The following TMTC2 variants were observed in gnomAD, a reference collection of about 807,000 sequenced individuals.
The protein encoded by TMTC2 is protein O-mannosyl-transferase TMTC2.
TMTC2 carries 43 observed loss-of-function variants against 82.4 expected under a neutral mutation model. The observed-to-expected ratio is 0.52, with a 90% CI of 0.41 to 0.67. TMTC2 has a LOEUF of 0.67. Among genes scored for constraint, TMTC2 ranks in the 30% least tolerant of loss-of-function variants. The probability of loss-of-function intolerance (pLI) is 0.00; values close to 1 mark genes in which losing one functional copy is unlikely to be tolerated. For synonymous variants in TMTC2, 408 were observed against 381.9 expected (o/e 1.07, Z -0.80); for missense variants, 919 against 1,012.4 (o/e 0.91, Z 1.25).
intron 7 of TMTC2, among the ~76,000 whole-genome samples, chr12:82,974,236 T>C (rs1031934864): frequency 3.9e-5 from 6 of 152,096 alleles, no homozygotes; most frequent in African/African-American, 1.4e-4. Context: ...ACACAACTGT[T>C]TTCTGAGACT....
chr12:82,950,390 T>A (rs1270454992), intron 4 of TMTC2, among the ~76,000 whole-genome samples: 1 of 152,204 alleles, frequency 6.6e-6, no homozygotes, highest in Non-Finnish European at 1.5e-5. Context: ...AAATGTAGTC[T>A]TAGTTATATA....
chr12:82,990,844 C>T (rs1879367381), intron 8 of TMTC2, among the ~76,000 whole-genome samples: 1 of 152,028 alleles, frequency 6.6e-6, no homozygotes, highest in South Asian at 2.1e-4. Context: ...CTCATTAATC[C>T]CTTCATTTGG....
intron 1 of TMTC2, among the ~76,000 whole-genome samples, chr12:82,730,296 C>CA (rs368959079): frequency 0.038 from 3,021 of 78,954 alleles, 124 homozygotes; most frequent in Middle Eastern, 0.089. Context: ...CTCTGTCTCT[C>CA]AAAAAAAAAA....
chr12:83,020,499 T>C (rs1880868225), intron 8 of TMTC2, among the ~76,000 whole-genome samples: 1 of 152,230 alleles, frequency 6.6e-6, no homozygotes, highest in Non-Finnish European at 1.5e-5. Context: ...TACCTGTAAC[T>C]TTATTGTAAA....
intron 1 of TMTC2, among the ~76,000 whole-genome samples, chr12:82,808,096 A>G (rs1462257216): frequency 6.6e-6 from 1 of 151,950 alleles, no homozygotes; most frequent in Non-Finnish European, 1.5e-5. Flanking sequence ...TCTTAAAAAA[A>G]CTGTTTAAAA....
chr12:82,979,121 T>C (rs1024739621), intron 7 of TMTC2, among the ~76,000 whole-genome samples: 16 of 151,790 alleles, frequency 1.1e-4, no homozygotes, highest in East Asian at 7.7e-4. Flanking sequence ...GTTAGGTCTT[T>C]TTTTTCTTTT....
chr12:83,118,897 T>C lies in TMTC2; in HGVS notation c.2332-13313T>C, dbSNP rs918259687. Among the ~76,000 whole-genome samples the C allele has an allele frequency of 5.3e-5, 8 of 152,304 alleles. No individual in the cohort carries two copies. In the South Asian group the frequency reaches 1.7e-3, roughly 32 times the overall value. The stretch of plus-strand genomic sequence containing the variant: ...ATTTAAGCTAGGAGAGCTGTATCTT[T>C]CCAGGAATTTATCCATCTCTTCTAG... On this transcript the variant is annotated intron_variant, in intron 11 of 11. Transcript: ENST00000321196.
At chr12:82,760,018 C>T (rs1318285392) in intron 1 of TMTC2, 1 of 152,120 alleles carries the variant, frequency 6.6e-6, no homozygotes, top group Non-Finnish European at 1.5e-5. Flanking sequence ...ATGGGTGGTG[C>T]TGCTGGATTA....
chr12:82,927,541 G>T (rs1180572105), intron 3 of TMTC2, among the ~76,000 whole-genome samples: 2 of 152,214 alleles, frequency 1.3e-5, no homozygotes, highest in Non-Finnish European at 2.9e-5. Flanking sequence ...TAAAGCAGTT[G>T]CAGGGTTTGA....
intron 1 of TMTC2, among the ~76,000 whole-genome samples, chr12:82,799,344 A>G (rs1442473257): frequency 6.6e-6 from 1 of 152,112 alleles, no homozygotes; most frequent in Non-Finnish European, 1.5e-5. Flanking sequence ...TCCAGAAGTA[A>G]GAAGTGAGCT....
intron 11 of TMTC2, among the ~76,000 whole-genome samples, chr12:83,108,676 C>T (rs1884499593): frequency 6.6e-6 from 1 of 151,102 alleles, no homozygotes; most frequent in South Asian, 2.1e-4. Context: ...ACCACTGGAG[C>T]AATGCAATAA....
chr12:83,089,840 CAAAAAACA>C (rs1387139410), intron 11 of TMTC2, among the ~76,000 whole-genome samples: 2 of 141,192 alleles, frequency 1.4e-5, no homozygotes, highest in African/African-American at 5.4e-5. Context: ...AAACAAAAAA[CAAAAAACA>C]AAAAAAAAAA....
At chr12:82,736,850 C>T (rs1379714357) in intron 1 of TMTC2, among the ~76,000 whole-genome samples, 1 of 152,168 alleles carries the variant, frequency 6.6e-6, no homozygotes, top group Non-Finnish European at 1.5e-5. Flanking sequence ...AATGAAATCT[C>T]TAACATTAAT....
intron 3 of TMTC2, among the ~76,000 whole-genome samples, chr12:82,913,902 A>G (rs1225549890): frequency 6.6e-6 from 1 of 152,212 alleles, no homozygotes; most frequent in Non-Finnish European, 1.5e-5. Flanking sequence ...ACCAGAATAT[A>G]GGAAAAGTCA....
At chr12:82,865,243 A>C (rs1407689449) in intron 2 of TMTC2, among the ~76,000 whole-genome samples, 2 of 151,958 alleles carry the variant, frequency 1.3e-5, no homozygotes, top group Non-Finnish European at 2.9e-5. Context: ...AAGACCCATC[A>C]CTGTGCTGTA....
intron 10 of TMTC2, 108 bp downstream of exon 10, chr12:83,051,126 C>A: frequency 2.8e-6 from 2 of 713,022 alleles, no homozygotes; most frequent in South Asian, 2.2e-5. Flanking sequence ...GTGAGTCAAT[C>A]ACGCTGCTTA....
At chr12:82,747,277 A>T (rs1431895392) in intron 1 of TMTC2, among the ~76,000 whole-genome samples, 1 of 152,206 alleles carries the variant, frequency 6.6e-6, no homozygotes, top group Non-Finnish European at 1.5e-5. Context: ...TATTAACAGG[A>T]TTTTAAATTT....
intron 1 of TMTC2, among the ~76,000 whole-genome samples, chr12:82,820,357 T>C (rs571943659): frequency 2.6e-4 from 39 of 152,092 alleles, no homozygotes; most frequent in African/African-American, 8.7e-4. Context: ...ACTATATTTC[T>C]TTCCTTCTTT....
intron 2 of TMTC2, among the ~76,000 whole-genome samples, chr12:82,866,563 G>T (rs540576653): frequency 6.6e-6 from 1 of 152,228 alleles, no homozygotes; most frequent in South Asian, 2.1e-4. Flanking sequence ...ATAACACTGT[G>T]TCTGGGATGC....
Sources: gnomAD v4.1 joint callset for allele counts (sites outside exome capture counted in the v4.1 genomes callset) on GRCh38, gnomAD v4.1.1 for gene constraint, MANE v1.5 for transcripts, NCBI Gene and HGNC (gene_info 2026-07-23, HGNC 2026-07-21) for gene names.